POLI: variants seen among roughly 807,000 people sequenced by gnomAD.
The protein encoded by POLI is RAD30 homolog B.
In POLI, 58 loss-of-function variants were observed where a neutral mutation model predicts 51.6. The observed-to-expected ratio is 1.12, with a 90% CI of 0.91 to 1.40. The LOEUF is 1.40. Among genes scored for constraint, POLI ranks in the 40% most tolerant of loss-of-function variants. The pLI, the probability that POLI is intolerant of heterozygous loss-of-function variation, is 0.00. For missense variants in POLI, 921 were observed against 871.3 expected (o/e 1.06, Z -0.72); for synonymous variants, 322 against 299.7 (o/e 1.07, Z -0.77).
intron 3 of POLI, among the ~76,000 whole-genome samples, chr18:54,313,758 A>G (rs1468594072): frequency 6.6e-6 from 1 of 151,908 alleles, no homozygotes; most frequent in Non-Finnish European, 1.5e-5. Context: ...GTCAGTTTTG[A>G]TGTTGTTGGT....
intron 1 of POLI, 51 bp downstream of exon 1, chr18:54,269,712 G>A (rs2086914881): frequency 7.0e-7 from 1 of 1,428,750 alleles, no homozygotes; most frequent in Non-Finnish European, 9.1e-7. Context: ...AAATGAGAAG[G>A]GTGGGGCAGG....
chr18:54,296,580 T>G lies in POLI; in HGVS notation c.*2113T>G, dbSNP rs1235325623. ...AACCACTAGCTCTTCAAATATTTCT[T>G]CTCTATTCTAGGACTGTATACAAAT... On this transcript the variant is annotated 3_prime_UTR_variant, in exon 10 of 10. Coordinates refer to ENST00000579534, the MANE Select transcript of POLI (RefSeq NM_007195.3). 1 of 164,590 alleles carries G rather than the reference T, an allele frequency of 6.1e-6. No individual in the cohort carries two copies. The highest frequency in any genetic ancestry group is 1.3e-5 in the Non-Finnish European group (1 of 79,422). 10.2% of individuals were successfully genotyped at this position (164,590 alleles called of 1,614,324 possible). A position where few individuals can be genotyped will look rare whatever the true frequency, so the allele number is the denominator to read the frequency against.
intron 2 of POLI, among the ~76,000 whole-genome samples, chr18:54,273,185 T>G (rs551995073): frequency 6.6e-6 from 1 of 152,048 alleles, no homozygotes; most frequent in Non-Finnish European, 1.5e-5. Flanking sequence ...ATGATCATAA[T>G]TTAATCATTT....
At chr18:54,315,048 T>C (rs2088715531) in intron 3 of POLI, among the ~76,000 whole-genome samples, 1 of 152,160 alleles carries the variant, frequency 6.6e-6, no homozygotes, top group Admixed American at 6.5e-5. Context: ...CCTCTTCATG[T>C]AATGTTAGAT....
intron 4 of POLI, among the ~76,000 whole-genome samples, chr18:54,320,635 T>G (rs902013100): frequency 6.6e-6 from 1 of 151,598 alleles, no homozygotes; most frequent in African/African-American, 2.4e-5. Flanking sequence ...GATTACAAAA[T>G]CTTTACTAAG....
rs1233707389 is a variant in POLI, at chr18:54,297,874, A to T, written c.*3407A>T. 1.2e-6 allele frequency: 1 copy of T among 863,566 alleles called. No homozygotes were observed. Among genetic ancestry groups the T allele is most frequent in the East Asian group, 1.1e-4 (1 of 8,758 alleles). The allele number at this position is 863,566 out of a possible 1,614,324, so 53.5% of individuals were successfully genotyped here. ...TTTTGATGGGACATGGTGGGGGCTT[A>T]CCTTTTTTCTTGTGTGTCAGATGTT... On this transcript the variant is annotated 3_prime_UTR_variant, in exon 10 of 10. Transcript: ENST00000579534.
intron 9 of POLI, among the ~76,000 whole-genome samples, chr18:54,292,331 G>A (rs2088059923): frequency 6.6e-6 from 1 of 152,070 alleles, no homozygotes; most frequent in African/African-American, 2.4e-5. Flanking sequence ...TGATGGATTA[G>A]CTCATAAGTA....
Position 54,297,291 on chromosome 18 carries a change from G to GTTT in POLI, c.*2834_*2836dup. 4 of 806,120 alleles carry GTTT rather than the reference G, an allele frequency of 5.0e-6. No homozygotes were observed. Among genetic ancestry groups the GTTT allele is most frequent in the South Asian group, 1.1e-4 (2 of 17,674 alleles). The allele number at this position is 806,120 out of a possible 1,614,324, so 49.9% of individuals were successfully genotyped here. A position where few individuals can be genotyped will look rare whatever the true frequency, so the allele number is the denominator to read the frequency against. ...TTTGTTTCAGCTCGAGTTTGTTGTT[G>GTTT]TTTTTTTTTTTTCCTGTTTCTGTCT... is the stretch of plus-strand genomic sequence containing the variant. On this transcript the variant is annotated 3_prime_UTR_variant, in exon 10 of 10. Coordinates refer to ENST00000579534, the MANE Select transcript of POLI (RefSeq NM_007195.3).
intron 3 of POLI, among the ~76,000 whole-genome samples, chr18:54,316,374 CAG>C (rs2088734537): frequency 6.6e-6 from 1 of 152,040 alleles, no homozygotes; most frequent in African/African-American, 2.4e-5. Context: ...GTGATTTCAT[CAG>C]AGTCTAAATT....
At chr18:54,290,778 A>G (rs949291686) in intron 8 of POLI, among the ~76,000 whole-genome samples, 3 of 152,200 alleles carry the variant, frequency 2.0e-5, no homozygotes, top group Non-Finnish European at 4.4e-5. Context: ...GAGTTGAACA[A>G]CGAGGACACA....
intron 3 of POLI, chr18:54,311,196 A>G: frequency 1.5e-6 from 1 of 678,600 alleles, no homozygotes; most frequent in Non-Finnish European, 1.8e-6. Flanking sequence ...GTGATAAGGA[A>G]CCAGGAATTG....
At position 54,271,232 on chromosome 18, in the gene POLI, A is replaced by AC. The variant is rs1208161876; in HGVS notation, c.116-127dup. On this transcript the variant is annotated intron_variant, in intron 1 of 9. Transcript: ENST00000579534. ...CTTTGTAATTTTTCGATGCTTTCACACATAATCCAGGAGAAAACACGTCAC... is the reference window on the plus strand; with the variant it reads ...CTTTGTAATTTTTCGATGCTTTCACACCATAATCCAGGAGAAAACACGTCAC... 2.0e-5 allele frequency: 14 copies of AC among 713,114 alleles called. No individual in the cohort carries two copies. The African/African-American group carries it at 2.4e-4, about 12-fold the overall frequency. The allele number at this position is 713,114 out of a possible 1,614,324, so 44.2% of individuals were successfully genotyped here. A position where few individuals can be genotyped will look rare whatever the true frequency, so the allele number is the denominator to read the frequency against.
At chr18:54,293,131 T>A (rs982678642) in intron 9 of POLI, among the ~76,000 whole-genome samples, 6 of 151,922 alleles carry the variant, frequency 3.9e-5, no homozygotes, top group African/African-American at 1.4e-4. Flanking sequence ...CAAGTTAGAG[T>A]TGAAAGTGTC....
At chr18:54,273,822 A>G in intron 2 of POLI, 104 bp from the exon 3 acceptor site, 3 of 611,236 alleles carry the variant, frequency 4.9e-6, no homozygotes, top group Non-Finnish European at 5.1e-6. Context: ...ATTCTTATCA[A>G]AACTGATTGT....
rs2088307086 is a variant in POLI, at chr18:54,295,937, A to G, written c.*1470A>G. On this transcript the variant is annotated 3_prime_UTR_variant, in exon 10 of 10. Transcript: ENST00000579534. Reference sequence around the variant, plus strand: ...CCATTGCTCCTGGCCCCAGCTCTGAAATTTTAACTTAGTTTTGGATTCCTT... The same window carrying G: ...CCATTGCTCCTGGCCCCAGCTCTGAGATTTTAACTTAGTTTTGGATTCCTT... 1.0e-6 allele frequency: 1 copy of G among 984,984 alleles called. No homozygotes were observed. Among genetic ancestry groups the G allele is most frequent in the African/African-American group, 1.7e-5 (1 of 57,210 alleles). 61.0% of individuals were successfully genotyped at this position (984,984 alleles called of 1,614,324 possible). A position where few individuals can be genotyped will look rare whatever the true frequency, so the allele number is the denominator to read the frequency against.
chr18:54,284,141 T>G (rs2087643813), intron 7 of POLI, 128 bp downstream of exon 7: 2 of 511,562 alleles, frequency 3.9e-6, no homozygotes, highest in African/African-American at 3.9e-5. Flanking sequence ...TAAAAATAAT[T>G]TATCATGGGA....
intron 3 of POLI, among the ~76,000 whole-genome samples, chr18:54,309,090 C>T (rs959632325): frequency 1.3e-5 from 2 of 152,224 alleles, no homozygotes; most frequent in African/African-American, 4.8e-5. Flanking sequence ...TCTGTCAACT[C>T]GTCAAAGTCA....
At chr18:54,274,670 G>A (rs1213102995) in intron 3 of POLI, among the ~76,000 whole-genome samples, 1 of 152,040 alleles carries the variant, frequency 6.6e-6, no homozygotes, top group Admixed American at 6.6e-5. Context: ...AAATGAGTGT[G>A]CACTGGCACA....
intron 4 of POLI, among the ~76,000 whole-genome samples, chr18:54,278,393 A>T (rs183035568): frequency 3.3e-5 from 5 of 152,324 alleles, no homozygotes; most frequent in Admixed American, 3.3e-4. Context: ...TTATTCTAAA[A>T]CAATCTCTAA....
Sources: allele counts gnomAD v4.1 joint callset (sites outside exome capture counted in the v4.1 genomes callset), GRCh38; gene constraint gnomAD v4.1.1; transcripts MANE v1.5; gene names NCBI Gene and HGNC (gene_info 2026-07-23, HGNC 2026-07-21).